LIN7A: variants seen among roughly 807,000 people sequenced by gnomAD.
LIN7A encodes the protein lin-7 cell polarity scaffold A, also known as protein lin-7 homolog A.
In LIN7A, 25 loss-of-function variants were observed where a neutral mutation model predicts 29.8. The observed-to-expected ratio is 0.84, with a 90% CI of 0.61 to 1.17. The LOEUF (loss-of-function observed/expected upper bound fraction) is 1.17, where lower values mean the gene tolerates loss of function less well. Ranked by LOEUF, LIN7A falls within the 50% of genes most tolerant of loss-of-function variation. LIN7A has a pLI of 0.00. For synonymous variants in LIN7A, 118 were observed against 107.5 expected (o/e 1.10, Z -0.60); for missense variants, 239 against 287.0 (o/e 0.83, Z 1.21).
chr12:80,915,382 G>C (rs1476571825), intron 1 of LIN7A, among the ~76,000 whole-genome samples: 1 of 152,144 alleles, frequency 6.6e-6, no homozygotes, highest in Non-Finnish European at 1.5e-5. Context: ...ACATTGGCAA[G>C]GCAAGGCTAC....
chr12:80,932,038 G>A (rs993315005), intron 1 of LIN7A, among the ~76,000 whole-genome samples: 10 of 152,224 alleles, frequency 6.6e-5, no homozygotes, highest in Non-Finnish European at 1.0e-4. Flanking sequence ...CCTCTGGAGT[G>A]TAAGCAAAAG....
chr12:80,801,647 A>G (rs1339152823), intron 5 of LIN7A, among the ~76,000 whole-genome samples: 17 of 152,234 alleles, frequency 1.1e-4, no homozygotes, highest in Non-Finnish European at 2.5e-4. Flanking sequence ...AGATAAAATA[A>G]TTAACACATT....
At position 80,848,246 on chromosome 12, in the gene LIN7A, C is replaced by A. The variant is rs200690270; in HGVS notation, c.273+5G>T. The stretch of plus-strand genomic sequence containing the variant: ...AGTATATTTTTAAAGTTACTCAAGC[C>A]TTACCTTTGCTGTTGCCCTCGCACG... On this transcript the variant is annotated splice_donor_5th_base_variant and intron_variant, in intron 3 of 5. Transcript: ENST00000552864. 2.2e-5 allele frequency: 35 copies of A among 1,610,634 alleles called. No individual in the cohort carries two copies. The highest frequency in any genetic ancestry group is 2.8e-5 in the Non-Finnish European group (33 of 1,177,082).
chr12:80,854,392 T>C (rs1873487764), intron 2 of LIN7A, among the ~76,000 whole-genome samples: 1 of 140,766 alleles, frequency 7.1e-6, no homozygotes, highest in Non-Finnish European at 1.5e-5. Flanking sequence ...CTTGGCAGCA[T>C]AGTGAGACCC....
chr12:80,804,393 T>C (rs1314731814), intron 5 of LIN7A, among the ~76,000 whole-genome samples: 1 of 152,102 alleles, frequency 6.6e-6, no homozygotes, highest in Non-Finnish European at 1.5e-5. Context: ...CAGCCTCTGG[T>C]AACCATCCTT....
chr12:80,877,394 C>T (rs1338247133), intron 2 of LIN7A, among the ~76,000 whole-genome samples: 1 of 152,060 alleles, frequency 6.6e-6, no homozygotes, highest in African/African-American at 2.4e-5. Context: ...GGAATCTTAG[C>T]AGCATTATAG....
intron 5 of LIN7A, among the ~76,000 whole-genome samples, chr12:80,798,564 A>G (rs74111434): frequency 0.079 from 12,064 of 152,164 alleles, 1,526 homozygotes; most frequent in African/African-American, 0.27. Flanking sequence ...AACAACACAT[A>G]AGCATTAACA....
At chr12:80,820,817 C>T (rs899923210) in intron 4 of LIN7A, among the ~76,000 whole-genome samples, 15 of 152,222 alleles carry the variant, frequency 9.9e-5, no homozygotes, top group African/African-American at 3.4e-4. Context: ...CACTTACCAA[C>T]TGTGATTCAC....
At chr12:80,908,436 A>C (rs1197822118) in intron 1 of LIN7A, among the ~76,000 whole-genome samples, 1 of 152,010 alleles carries the variant, frequency 6.6e-6, no homozygotes, top group Non-Finnish European at 1.5e-5. Context: ...GCCACATTTT[A>C]ACATATATAA....
intron 1 of LIN7A, among the ~76,000 whole-genome samples, chr12:80,898,769 G>T (rs1876041773): frequency 6.6e-6 from 1 of 152,108 alleles, no homozygotes; most frequent in Non-Finnish European, 1.5e-5. Flanking sequence ...TTGCATTCTT[G>T]ATGTGGCTCT....
chr12:80,925,988 G>A (rs1565931825), intron 1 of LIN7A, among the ~76,000 whole-genome samples: 1 of 152,142 alleles, frequency 6.6e-6, no homozygotes. Flanking sequence ...CCTGCAAGAT[G>A]ATCATCATTG....
intron 2 of LIN7A, among the ~76,000 whole-genome samples, chr12:80,866,738 A>G (rs957012875): frequency 1.3e-5 from 2 of 152,122 alleles, no homozygotes; most frequent in Non-Finnish European, 2.9e-5. Flanking sequence ...AACTAATAAC[A>G]TGAAAGTTCA....
intron 1 of LIN7A, among the ~76,000 whole-genome samples, chr12:80,914,305 A>G (rs1876920264): frequency 6.6e-6 from 1 of 152,162 alleles, no homozygotes; most frequent in Admixed American, 6.5e-5. Context: ...CAGTAAAGAA[A>G]CACCTTCAAT....
In LIN7A at chr12:80,912,209, G is replaced by A. The variant is rs575255068; in HGVS notation, c.83-22840C>T. ...TCCATAATGGAATGCAAATTCAAAT[G>A]CCAAAGAAGTTTGAAAGCAGTGACT... On this transcript the variant is annotated intron_variant, in intron 1 of 5. Transcript: ENST00000552864. Among the ~76,000 whole-genome samples the A allele has an allele frequency of 1.2e-4, 19 of 152,166 alleles. No individual in the cohort carries two copies. In the South Asian group the frequency reaches 3.9e-3, roughly 32 times the overall value.
chr12:80,796,422 A>G lies in LIN7A; in HGVS notation c.*1305T>C, dbSNP rs1392819808. 6.6e-6 allele frequency: 1 copy of G among 152,290 alleles called. No individual in the cohort carries two copies. Among genetic ancestry groups the G allele is most frequent in the African/African-American group, 2.4e-5 (1 of 41,576 alleles). 9.4% of individuals were successfully genotyped at this position (152,290 alleles called of 1,614,324 possible). A position where few individuals can be genotyped will look rare whatever the true frequency, so the allele number is the denominator to read the frequency against. On this transcript the variant is annotated 3_prime_UTR_variant, in exon 6 of 6. Coordinates refer to ENST00000552864, the MANE Select transcript of LIN7A (RefSeq NM_004664.4). ...GATTTACCATAAACCAAAAATTATG[A>G]CCTGTAAATGTAGTTATAACAGATT...
intron 2 of LIN7A, among the ~76,000 whole-genome samples, chr12:80,853,993 C>T (rs1045419146): frequency 2.6e-5 from 4 of 152,110 alleles, no homozygotes; most frequent in Non-Finnish European, 4.4e-5. Flanking sequence ...TGTGCCCCTG[C>T]TGAAGAACTA....
rs1207320628 is a variant in LIN7A, at chr12:80,796,459, AATG to A, written c.*1265_*1267del. Reference sequence around the variant, plus strand: ...AGTTATAACAGATTATTTTCCAGTGAATGATATTTTCTGAAAAATGATATCTCA... The same window carrying A: ...AGTTATAACAGATTATTTTCCAGTGAATATTTTCTGAAAAATGATATCTCA... On this transcript the variant is annotated 3_prime_UTR_variant, in exon 6 of 6. Coordinates refer to ENST00000552864, the MANE Select transcript of LIN7A (RefSeq NM_004664.4). 6.6e-6 allele frequency: 1 copy of A among 152,134 alleles called. No homozygotes were observed. Among genetic ancestry groups the A allele is most frequent in the Non-Finnish European group, 1.5e-5 (1 of 68,008 alleles). 9.4% of individuals were successfully genotyped at this position (152,134 alleles called of 1,614,324 possible).
chr12:80,916,948 A>C (rs1384671130), intron 1 of LIN7A, among the ~76,000 whole-genome samples: 2 of 152,194 alleles, frequency 1.3e-5, no homozygotes, highest in African/African-American at 4.8e-5. Flanking sequence ...GGGACATCTT[A>C]AGTAGAAGAG....
intron 2 of LIN7A, among the ~76,000 whole-genome samples, chr12:80,865,174 T>A (rs978302794): frequency 2.0e-5 from 3 of 152,196 alleles, no homozygotes; most frequent in African/African-American, 7.2e-5. Context: ...AAATGCATAT[T>A]TTAAAAAGTC....
Sources: allele counts gnomAD v4.1 joint callset (sites outside exome capture counted in the v4.1 genomes callset), GRCh38; gene constraint gnomAD v4.1.1; transcripts MANE v1.5; gene names NCBI Gene and HGNC (gene_info 2026-07-23, HGNC 2026-07-21).